The following NCAM1 variants were observed in gnomAD, a reference collection of about 807,000 sequenced individuals.
NCAM1 encodes neural cell adhesion molecule 1, also known as antigen recognized by monoclonal antibody 5.1H11.
NCAM1 carries 14 observed loss-of-function variants against 109.8 expected under a neutral mutation model. The ratio of observed to expected loss-of-function variants is 0.13; its 90% CI spans 0.08 to 0.20. The LOEUF is 0.20. Among genes scored for constraint, NCAM1 ranks in the 10% least tolerant of loss-of-function variants. The pLI is 1.00. For missense variants in NCAM1, 774 were observed against 1,109.9 expected, an observed-to-expected ratio of 0.70 and a Z score of 4.30; for synonymous variants, 418 against 442.9, an observed-to-expected ratio of 0.94 and a Z score of 0.70.
intron 15 of NCAM1, among the ~76,000 whole-genome samples, chr11:113,249,688 A>T (rs1945605808): frequency 6.6e-6 from 1 of 152,154 alleles, no homozygotes; most frequent in Non-Finnish European, 1.5e-5. Context: ...CACAAGCCAT[A>T]CCTTCCTGGT....
At chr11:113,265,797 G>T (rs572039649) in intron 17 of NCAM1, among the ~76,000 whole-genome samples, 1 of 152,266 alleles carries the variant, frequency 6.6e-6, no homozygotes, top group South Asian at 2.1e-4. Context: ...GGGCATTTCT[G>T]CTGCACCAGG....
At chr11:113,108,280 A>G (rs1940263218) in intron 1 of NCAM1, among the ~76,000 whole-genome samples, 1 of 152,238 alleles carries the variant, frequency 6.6e-6, no homozygotes, top group African/African-American at 2.4e-5. Context: ...GCCACACATC[A>G]GGAAATCAGT....
At chr11:113,174,079 T>C (rs782094356) in intron 1 of NCAM1, among the ~76,000 whole-genome samples, 3 of 152,224 alleles carry the variant, frequency 2.0e-5, no homozygotes, top group Non-Finnish European at 4.4e-5. Flanking sequence ...ACAATAGATT[T>C]GTTACCATAG....
chr11:113,271,954 G>A (rs1438943140), intron 19 of NCAM1, 78 bp downstream of exon 19: 121 of 913,476 alleles, frequency 1.3e-4, no homozygotes, highest in Middle Eastern at 1.1e-3. Context: ...CCCACCTCCC[G>A]TGCCCCTACC....
At position 113,082,667 on chromosome 11, in the gene NCAM1, G is replaced by A. The variant is rs138135652; in HGVS notation, c.53-119712G>A. Among the ~76,000 whole-genome samples the A allele has an allele frequency of 9.2e-5, 14 of 152,350 alleles. No homozygotes were observed. In the East Asian group the frequency reaches 2.5e-3, roughly 27 times the overall value. On this transcript the variant is annotated intron_variant, in intron 1 of 19. Coordinates refer to ENST00000316851, the MANE Select transcript of NCAM1 (RefSeq NM_181351.5). ...TATAAAAACAACAAAGGCAAGAAGG[G>A]TCTGGACGCTCTGAGCGTGCTTGAC...
At chr11:113,167,274 G>A (rs781785952) in intron 1 of NCAM1, among the ~76,000 whole-genome samples, 72 of 152,144 alleles carry the variant, frequency 4.7e-4, no homozygotes, top group Non-Finnish European at 6.2e-4. Flanking sequence ...ATCTTTCTAA[G>A]CTTCATCACT....
At chr11:113,092,079 A>G (rs1182374906) in intron 1 of NCAM1, among the ~76,000 whole-genome samples, 4 of 150,622 alleles carry the variant, frequency 2.7e-5, no homozygotes, top group African/African-American at 9.8e-5. Flanking sequence ...GTGGAAACTA[A>G]CTCACAATTC....
At chr11:113,208,822 G>C (rs148449971) in intron 7 of NCAM1, among the ~76,000 whole-genome samples, 1 of 152,166 alleles carries the variant, frequency 6.6e-6, no homozygotes, top group Non-Finnish European at 1.5e-5. Context: ...CATACACGGC[G>C]TTATCCCTGT....
chr11:113,213,787 C>G (rs1392568976), intron 7 of NCAM1, among the ~76,000 whole-genome samples: 3 of 152,192 alleles, frequency 2.0e-5, no homozygotes, highest in Non-Finnish European at 4.4e-5. Context: ...AAAGTGTTCT[C>G]TAGTCCAATG....
Position 113,140,345 on chromosome 11 carries a change from A to G in NCAM1, c.53-62034A>G, listed in dbSNP as rs1356695261. 7.2e-5 allele frequency among the ~76,000 whole-genome samples: 11 copies of G among 152,112 alleles called. No individual in the cohort carries two copies. The East Asian group carries it at 2.1e-3, about 29-fold the overall frequency. On this transcript the variant is annotated intron_variant, in intron 1 of 19. Coordinates refer to ENST00000316851, the MANE Select transcript of NCAM1 (RefSeq NM_181351.5). ...GCCATAGTTGAACACTGTCCCATGG[A>G]TGGGCTCAAATAGGTCAGTGTTTCT...
chr11:113,201,127 G>A (rs545975726), intron 1 of NCAM1, among the ~76,000 whole-genome samples: 1 of 152,086 alleles, frequency 6.6e-6, no homozygotes, highest in African/African-American at 2.4e-5. Flanking sequence ...CTTTCTCCGT[G>A]ACCTGCCTTG....
chr11:113,009,312 G>GTTTTTTTTTTGTTTTTTTTTTTTTT (rs1951973321), intron 1 of NCAM1, among the ~76,000 whole-genome samples: 3 of 79,656 alleles, frequency 3.8e-5, no homozygotes, highest in African/African-American at 4.8e-5. Flanking sequence ...GTTTTTTCGG[G>GTTTTTTTTTTGTTTTTTTTTTTTTT]TTTTTTTTTT....
rs1555063591 is a variant in NCAM1 at position 112,962,512 on chromosome 11, TG to T, written c.52+850del. On this transcript the variant is annotated intron_variant, in intron 1 of 19. Coordinates refer to ENST00000316851, the MANE Select transcript of NCAM1 (RefSeq NM_181351.5). The surrounding 1 kb of genome is among the most constrained non-coding windows in gnomAD (Gnocchi z 5.6). Reference sequence around the variant, plus strand: ...AGTGTTGCACGGGGCGGGAGAAGAATGGCAGGTAGCCGCCCGAAACACCTCG... The same window carrying T: ...AGTGTTGCACGGGGCGGGAGAAGAATGCAGGTAGCCGCCCGAAACACCTCG... Among the ~76,000 whole-genome samples the T allele has an allele frequency of 6.6e-6, 1 of 151,520 alleles. No individual in the cohort carries two copies. Among genetic ancestry groups the T allele is most frequent in the African/African-American group, 2.4e-5 (1 of 41,248 alleles).
At chr11:113,176,864 T>A (rs1394299832) in intron 1 of NCAM1, among the ~76,000 whole-genome samples, 4 of 152,206 alleles carry the variant, frequency 2.6e-5, no homozygotes, top group African/African-American at 9.6e-5. Flanking sequence ...ACCACTTGTT[T>A]CCCAGCCTGT....
At chr11:113,227,321 A>G (rs1357264403) in intron 9 of NCAM1, among the ~76,000 whole-genome samples, 1 of 152,172 alleles carries the variant, frequency 6.6e-6, no homozygotes, top group Admixed American at 6.5e-5. Flanking sequence ...CAAATAAACT[A>G]GAAAATCTAG....
At chr11:113,067,563 A>G (rs1938026088) in intron 1 of NCAM1, among the ~76,000 whole-genome samples, 1 of 152,216 alleles carries the variant, frequency 6.6e-6, no homozygotes, top group African/African-American at 2.4e-5. Context: ...TTGACTCACG[A>G]ATATTGTCAC....
At chr11:113,014,869 G>T (rs886733215) in intron 1 of NCAM1, among the ~76,000 whole-genome samples, 1 of 152,150 alleles carries the variant, frequency 6.6e-6, no homozygotes, top group South Asian at 2.1e-4. Context: ...GGAGCTTGAG[G>T]CTTTATTCTG....
chr11:113,024,041 T>C (rs1591258171), intron 1 of NCAM1, among the ~76,000 whole-genome samples: 1 of 152,166 alleles, frequency 6.6e-6, no homozygotes, highest in East Asian at 1.9e-4. Context: ...TCATGGCAGG[T>C]ACCTTGATCA....
intron 1 of NCAM1, among the ~76,000 whole-genome samples, chr11:113,082,751 G>A (rs782364572): frequency 2.0e-5 from 3 of 152,186 alleles, no homozygotes; most frequent in East Asian, 1.9e-4. Flanking sequence ...GACCTGGCTC[G>A]GCAAGGTTAA....
Sources: gnomAD v4.1 joint callset for allele counts (sites outside exome capture counted in the v4.1 genomes callset) on GRCh38, gnomAD v4.1.1 for gene constraint, Gnocchi (gnomAD v3.1) non-coding constraint, MANE v1.5 for transcripts, NCBI Gene and HGNC (gene_info 2026-07-23, HGNC 2026-07-21) for gene names.